PPP2R2C: variants seen among roughly 807,000 people sequenced by gnomAD.
The protein encoded by PPP2R2C is protein phosphatase 2, regulatory subunit B, gamma.
Under a neutral mutation model 45.3 loss-of-function variants are expected in PPP2R2C, and 10 were observed. The ratio of observed to expected loss-of-function variants is 0.22; its 90% CI spans 0.14 to 0.37. PPP2R2C has a LOEUF of 0.37. PPP2R2C is among the 10% of genes least tolerant of loss of function. The probability of loss-of-function intolerance (pLI) is 1.00; values close to 1 mark genes in which losing one functional copy is unlikely to be tolerated. For synonymous variants in PPP2R2C, 257 were observed against 245.4 expected, an observed-to-expected ratio of 1.05 and a Z score of -0.44; for missense variants, 308 against 619.7, an observed-to-expected ratio of 0.50 and a Z score of 5.34.
chr4:6,427,216 T>C (rs1002292926), intron 1 of PPP2R2C, among the ~76,000 whole-genome samples: 1 of 152,238 alleles, frequency 6.6e-6, no homozygotes, highest in Admixed American at 6.5e-5. Flanking sequence ...TAGTATCTGG[T>C]ACACAGTAGC....
intron 5 of PPP2R2C, chr4:6,348,915 A>C: frequency 4.8e-6 from 4 of 826,272 alleles, no homozygotes; most frequent in Non-Finnish European, 5.8e-6. Context: ...TTGCAAAGGC[A>C]GTATCCCTGA....
At chr4:6,531,894 A>T (rs1024137162) in intron 2 of PPP2R2C, among the ~76,000 whole-genome samples, 1 of 152,178 alleles carries the variant, frequency 6.6e-6, no homozygotes, top group African/African-American at 2.4e-5. Flanking sequence ...GGCAGCTGGC[A>T]GACACCGGAT....
chr4:6,547,108 A>G (rs961787793), intron 1 of PPP2R2C, among the ~76,000 whole-genome samples: 2 of 152,144 alleles, frequency 1.3e-5, no homozygotes, highest in African/African-American at 2.4e-5. Context: ...TCTTCAAAAC[A>G]TGCAGTCACT....
chr4:6,348,455 C>G (rs990619099), intron 5 of PPP2R2C, among the ~76,000 whole-genome samples: 4 of 152,056 alleles, frequency 2.6e-5, no homozygotes, highest in Admixed American at 2.6e-4. Context: ...CAAGTCTTCC[C>G]GGTCCCTTTT....
At position 6,448,907 on chromosome 4, in the gene PPP2R2C, A is replaced by G. The variant is rs137991169; in HGVS notation, c.70+23253T>C. ...GGGGCTGACCCCAGCAGGTGGGGGC[A>G]GTGCCCCTGCTGATGTGGCTTTAGT... is the stretch of plus-strand genomic sequence containing the variant. On this transcript the variant is annotated intron_variant, in intron 1 of 8. Transcript: ENST00000382599. 3.2e-4 allele frequency among the ~76,000 whole-genome samples: 48 copies of G among 152,310 alleles called. No homozygotes were observed. The East Asian group carries it at 8.7e-3, about 28-fold the overall frequency.
chr4:6,443,220 C>T lies in PPP2R2C; in HGVS notation c.70+28940G>A, dbSNP rs574947496. On this transcript the variant is annotated intron_variant, in intron 1 of 8. Transcript: ENST00000382599. ...GCCTTCCAGGCAGGTGCCCGGCCGC[C>T]GCCTGGCAGGACTAATTCCACACAT... Among the ~76,000 whole-genome samples, 3 of 152,320 alleles carry T rather than the reference C, an allele frequency of 2.0e-5. No homozygotes were observed. The South Asian group carries it at 6.2e-4, about 32-fold the overall frequency.
At chr4:6,476,742 GT>G (rs1331532577), upstream of PPP2R2C, among the ~76,000 whole-genome samples, 2 of 152,252 alleles carry the variant, frequency 1.3e-5, no homozygotes, top group East Asian at 3.9e-4. Context: ...AGGTAGGAAT[GT>G]TTTCATAACT....
At chr4:6,388,418 T>C (rs1424155626) in intron 1 of PPP2R2C, among the ~76,000 whole-genome samples, 1 of 152,166 alleles carries the variant, frequency 6.6e-6, no homozygotes, top group Non-Finnish European at 1.5e-5. Context: ...CTGGTACCTA[T>C]GAATGGGAAC....
intron 2 of PPP2R2C, among the ~76,000 whole-genome samples, chr4:6,508,766 A>AT (rs1167193814): frequency 2.6e-5 from 4 of 152,204 alleles, no homozygotes; most frequent in East Asian, 1.9e-4. Flanking sequence ...AAACGACTCA[A>AT]TGAGCACACG....
At chr4:6,424,424 C>G (rs13103536) in intron 1 of PPP2R2C, among the ~76,000 whole-genome samples, 77,382 of 152,024 alleles carry the variant, frequency 0.51, 20,786 homozygotes, top group Middle Eastern at 0.63. Context: ...AGAGAGGACA[C>G]TTTGTGGTCC....
intron 2 of PPP2R2C, among the ~76,000 whole-genome samples, chr4:6,489,038 C>T (rs1274935759): frequency 6.6e-6 from 1 of 152,212 alleles, no homozygotes; most frequent in East Asian, 1.9e-4. Context: ...CAGCTCTCTC[C>T]ATTCCATTAG....
At chr4:6,497,133 C>T (rs1481730436) in intron 2 of PPP2R2C, among the ~76,000 whole-genome samples, 1 of 152,076 alleles carries the variant, frequency 6.6e-6, no homozygotes, top group African/African-American at 2.4e-5. Flanking sequence ...GGAGGCACCC[C>T]AACTGAGGAA....
At chr4:6,348,157 C>A (rs1049737490) in intron 5 of PPP2R2C, 147 bp from the exon 6 acceptor site, 3 of 900,692 alleles carry the variant, frequency 3.3e-6, no homozygotes, top group Middle Eastern at 2.8e-4. Context: ...CAAAATGCGT[C>A]CCCCTGAGCT....
chr4:6,361,374 A>G (rs1163896437), intron 5 of PPP2R2C, among the ~76,000 whole-genome samples: 1 of 152,236 alleles, frequency 6.6e-6, no homozygotes, highest in Admixed American at 6.5e-5. Flanking sequence ...AAAGGAAGAA[A>G]GTCCTGACTT....
intron 1 of PPP2R2C, among the ~76,000 whole-genome samples, chr4:6,553,565 A>T (rs1725256895): frequency 6.6e-6 from 1 of 152,190 alleles, no homozygotes; most frequent in South Asian, 2.1e-4. Context: ...CAAGGTGGCC[A>T]GGAGAGATGA....
rs778458711 is a variant in PPP2R2C, at chr4:6,333,670, C to T, written c.852G>A (p.Val284=). Reference sequence around the variant, plus strand: ...CGCTGTGGCTGAACTTCACGTCGGACACGGAGGAGATGATTTCCGAGAAGA... The same window carrying T: ...CGCTGTGGCTGAACTTCACGTCGGATACGGAGGAGATGATTTCCGAGAAGA... ...RSFFSEIISS[V]SDVKFSHSGR... Residue 284 remains valine (V), a synonymous_variant, in exon 7 of 9, where the codon GTG becomes GTA. Coordinates refer to ENST00000382599, the MANE Select transcript of PPP2R2C (RefSeq NM_020416.4). The T allele has an allele frequency of 1.2e-6, 2 of 1,614,148 alleles. No homozygotes were observed. Among genetic ancestry groups the T allele is most frequent in the Non-Finnish European group, 1.7e-6 (2 of 1,180,022 alleles).
chr4:6,347,894 G>T lies in PPP2R2C; in HGVS notation c.742C>A (p.Arg248=). Residue 248 remains arginine, a synonymous_variant, in exon 6 of 9, where the codon CGG becomes AGG. Coordinates refer to ENST00000382599, the MANE Select transcript of PPP2R2C (RefSeq NM_020416.4). ...GCAGCTGCCCGCATGTCGCAGAGCCGCAGGGAGCCCTTGCTGCTGCTGTAG... is the reference window on the plus strand; with the variant it reads ...GCAGCTGCCCGCATGTCGCAGAGCCTCAGGGAGCCCTTGCTGCTGCTGTAG... ...FVYSSSKGSL[R]LCDMRAAALC... is the part of the protein sequence containing the mutation. The T allele has an allele frequency of 6.2e-7, 1 of 1,606,512 alleles. No individual in the cohort carries two copies. Among genetic ancestry groups the T allele is most frequent in the African/African-American group, 1.3e-5 (1 of 74,546 alleles).
intron 2 of PPP2R2C, among the ~76,000 whole-genome samples, chr4:6,530,747 C>G (rs1198844716): frequency 1.3e-5 from 2 of 152,196 alleles, no homozygotes; most frequent in African/African-American, 4.8e-5. Context: ...GAGATTTGTA[C>G]CCACTGAACA....
At chr4:6,502,923 G>A (rs189540262) in intron 2 of PPP2R2C, among the ~76,000 whole-genome samples, 18 of 152,102 alleles carry the variant, frequency 1.2e-4, no homozygotes, top group Non-Finnish European at 2.1e-4. Flanking sequence ...AGACCCGGCC[G>A]CTATTGCCAC....
Sources: gnomAD v4.1 joint callset for allele counts (sites outside exome capture counted in the v4.1 genomes callset) on GRCh38, gnomAD v4.1.1 for gene constraint, MANE v1.5 for transcripts, NCBI Gene and HGNC (gene_info 2026-07-23, HGNC 2026-07-21) for gene names.